Variants in SND1 observed in about 807,000 individuals in gnomAD.
SND1 encodes staphylococcal nuclease domain-containing protein 1.
In SND1, 38 loss-of-function variants were observed where a neutral mutation model predicts 121.7. The ratio of observed to expected loss-of-function variants is 0.31; its 90% CI spans 0.24 to 0.41. SND1 has a LOEUF of 0.41. SND1 is among the 10% of genes least tolerant of loss of function. The probability of loss-of-function intolerance (pLI) is 1.00; values close to 1 mark genes in which losing one functional copy is unlikely to be tolerated. For missense variants in SND1, 868 were observed against 1,184.6 expected (o/e 0.73, Z 3.92); for synonymous variants, 401 against 447.4 (o/e 0.90, Z 1.31).
At chr7:127,926,761 T>A (rs145988427) in intron 14 of SND1, among the ~76,000 whole-genome samples, 144 of 133,434 alleles carry the variant, frequency 1.1e-3, no homozygotes, top group African/African-American at 4.1e-3. Context: ...TTGTTGTTGT[T>A]GTTGTACTTT....
intron 16 of SND1, among the ~76,000 whole-genome samples, chr7:128,069,461 A>T (rs1793371218): frequency 6.6e-6 from 1 of 152,158 alleles, no homozygotes; most frequent in Admixed American, 6.5e-5. Flanking sequence ...CACAGCTAGG[A>T]CTGGGAGTTG....
At chr7:127,735,615 T>C (rs548843661) in intron 10 of SND1, among the ~76,000 whole-genome samples, 1 of 151,168 alleles carries the variant, frequency 6.6e-6, no homozygotes, top group Non-Finnish European at 1.5e-5. Context: ...GGGTGACCTG[T>C]TTTTTTTTGT....
intron 12 of SND1, among the ~76,000 whole-genome samples, chr7:127,857,456 C>T (rs1032198628): frequency 6.6e-6 from 1 of 150,632 alleles, no homozygotes; most frequent in African/African-American, 2.4e-5. Flanking sequence ...GCCCGCCTCG[C>T]CCTCCCAAAG....
chr7:127,871,770 G>A (rs1398163114), intron 12 of SND1, among the ~76,000 whole-genome samples: 1 of 152,092 alleles, frequency 6.6e-6, no homozygotes, highest in Admixed American at 6.6e-5. Context: ...ATAAAGATAT[G>A]GATAGAAGTG....
chr7:127,945,920 AT>A (rs1450065247), intron 15 of SND1, among the ~76,000 whole-genome samples: 1 of 152,184 alleles, frequency 6.6e-6, no homozygotes, highest in African/African-American at 2.4e-5. Flanking sequence ...AGCAGAGCAT[AT>A]TTTCTTGATC....
At chr7:127,766,513 T>C (rs60126795) in intron 10 of SND1, among the ~76,000 whole-genome samples, 3,365 of 152,244 alleles carry the variant, frequency 0.022, 103 homozygotes, top group African/African-American at 0.061. Flanking sequence ...CGATGGCTCA[T>C]GCCTTTAATC....
chr7:128,086,897 C>T, intron 20 of SND1, 41 bp from the exon 21 acceptor site: 1 of 1,486,528 alleles, frequency 6.7e-7, no homozygotes, highest in Non-Finnish European at 9.4e-7. Flanking sequence ...AGCAAGGGGG[C>T]AGCGAGTATG....
intron 15 of SND1, among the ~76,000 whole-genome samples, chr7:127,933,824 C>T (rs902467740): frequency 2.0e-5 from 3 of 152,118 alleles, no homozygotes; most frequent in African/African-American, 7.2e-5. Flanking sequence ...GGAAATAAAT[C>T]AAGAAAAGGA....
At chr7:127,661,902 G>C (rs1320771418) in intron 1 of SND1, among the ~76,000 whole-genome samples, 7 of 152,120 alleles carry the variant, frequency 4.6e-5, no homozygotes. Flanking sequence ...GATCACTTGA[G>C]GTTAGGAGTT....
chr7:127,798,270 T>C (rs1798061677), intron 10 of SND1, among the ~76,000 whole-genome samples: 1 of 152,192 alleles, frequency 6.6e-6, no homozygotes, highest in African/African-American at 2.4e-5. Flanking sequence ...TCAAGACTGT[T>C]TCTTGGAATT....
At chr7:128,090,895 G>A (rs1793768479) in intron 22 of SND1, among the ~76,000 whole-genome samples, 1 of 152,106 alleles carries the variant, frequency 6.6e-6, no homozygotes, top group Non-Finnish European at 1.5e-5. Context: ...TATAGAATTG[G>A]AGATCTTATT....
In SND1 at chr7:128,048,281, T is replaced by C. The variant is rs1428946382; in HGVS notation, c.1780-26221T>C. Among the ~76,000 whole-genome samples the C allele has an allele frequency of 2.6e-5, 4 of 151,508 alleles. 1 individual carries two copies. Among genetic ancestry groups the C allele is most frequent in the South Asian group, 4.2e-4 (2 of 4,808 alleles). On this transcript the variant is annotated intron_variant, in intron 16 of 23. Coordinates refer to ENST00000354725, the MANE Select transcript of SND1 (RefSeq NM_014390.4). ...ATTTTTTTTCTTTTTTTTTTTTTTTTCCAATTCAGGAAAACTTGTTGAGAA... is the reference window on the plus strand; with the variant it reads ...ATTTTTTTTCTTTTTTTTTTTTTTTCCCAATTCAGGAAAACTTGTTGAGAA...
chr7:128,021,678 G>A (rs1803352359), intron 16 of SND1, among the ~76,000 whole-genome samples: 2 of 152,170 alleles, frequency 1.3e-5, no homozygotes, highest in South Asian at 4.1e-4. Context: ...AATGAGGGTT[G>A]AGACCTTAAA....
In SND1 at chr7:127,990,935, C is replaced by A; in HGVS notation, c.1670-12C>A. Reference sequence around the variant, plus strand: ...CCTTTTCATCACAGATTCTACTTTTCTCCTGACACAGGCATTGAATGCCCC... The same window carrying A: ...CCTTTTCATCACAGATTCTACTTTTATCCTGACACAGGCATTGAATGCCCC... On this transcript the variant is annotated splice_polypyrimidine_tract_variant and intron_variant, in intron 15 of 23. Coordinates refer to ENST00000354725, the MANE Select transcript of SND1 (RefSeq NM_014390.4). 6.2e-7 allele frequency: 1 copy of A among 1,603,954 alleles called. No homozygotes were observed. Among genetic ancestry groups the A allele is most frequent in the Non-Finnish European group, 8.5e-7 (1 of 1,172,552 alleles).
At chr7:127,996,710 C>T (rs1290363850) in intron 16 of SND1, among the ~76,000 whole-genome samples, 1 of 152,192 alleles carries the variant, frequency 6.6e-6, no homozygotes, top group East Asian at 1.9e-4. Context: ...GCTGGAAAAG[C>T]AAGCAGGCTG....
chr7:128,007,133 G>A (rs1403309588), intron 16 of SND1, among the ~76,000 whole-genome samples: 1 of 151,742 alleles, frequency 6.6e-6, no homozygotes, highest in Non-Finnish European at 1.5e-5. Flanking sequence ...TACATGTGAA[G>A]CTGCCAGCAG....
intron 10 of SND1, among the ~76,000 whole-genome samples, chr7:127,796,608 TTA>T (rs1798031909): frequency 6.6e-6 from 1 of 152,206 alleles, no homozygotes; most frequent in African/African-American, 2.4e-5. Context: ...TAACTTTGGC[TTA>T]TCTCGTCTTC....
rs754875856 is a variant in SND1 at position 128,040,483 on chromosome 7, TA to T, written c.1780-34006del. 3.2e-3 allele frequency among the ~76,000 whole-genome samples: 260 copies of T among 80,676 alleles called. 1 individual carries two copies. Among genetic ancestry groups the T allele is most frequent in the Admixed American group, 4.2e-3 (36 of 8,476 alleles). 52.9% of individuals were successfully genotyped at this position (80,676 alleles called of 152,430 possible). Reference sequence around the variant, plus strand: ...AAAAAAAAAGACATGGTTTGACACCTAAAAAAAAAAAAAGTGACATGGTAAG... The same window carrying T: ...AAAAAAAAAGACATGGTTTGACACCTAAAAAAAAAAAAGTGACATGGTAAG... On this transcript the variant is annotated intron_variant, in intron 16 of 23. Coordinates refer to ENST00000354725, the MANE Select transcript of SND1 (RefSeq NM_014390.4).
chr7:127,846,716 T>C (rs1053210930), intron 12 of SND1, among the ~76,000 whole-genome samples: 4 of 152,236 alleles, frequency 2.6e-5, no homozygotes, highest in Non-Finnish European at 5.9e-5. Flanking sequence ...GTAAAACTTA[T>C]AACTGATAAT....
Sources: allele counts gnomAD v4.1 joint callset (sites outside exome capture counted in the v4.1 genomes callset), GRCh38; gene constraint gnomAD v4.1.1; transcripts MANE v1.5; gene names NCBI Gene and HGNC (gene_info 2026-07-23, HGNC 2026-07-21).